Variants in RABGAP1L observed in about 807,000 individuals in gnomAD.
The protein encoded by RABGAP1L is RAB GTPase activating protein 1 like.
In RABGAP1L, 63 loss-of-function variants were observed where a neutral mutation model predicts 137.7. The ratio of observed to expected loss-of-function variants is 0.46; its 90% confidence interval spans 0.37 to 0.56. The LOEUF is 0.56. RABGAP1L is among the 20% of genes least tolerant of loss of function. RABGAP1L has a pLI of 0.00. For missense variants in RABGAP1L, 1,095 were observed against 1,244.0 expected, an observed-to-expected ratio of 0.88 and a Z score of 1.80; for synonymous variants, 431 against 433.7, an observed-to-expected ratio of 0.99 and a Z score of 0.08.
At chr1:174,263,525 A>G (rs938670677) in intron 7 of RABGAP1L, among the ~76,000 whole-genome samples, 1 of 152,148 alleles carries the variant, frequency 6.6e-6, no homozygotes, top group Admixed American at 6.5e-5. Context: ...CAGTCCATAA[A>G]GTTTCTGATA....
chr1:174,579,468 C>A (rs1176279819), intron 13 of RABGAP1L, among the ~76,000 whole-genome samples: 1 of 152,156 alleles, frequency 6.6e-6, no homozygotes, highest in African/African-American at 2.4e-5. Flanking sequence ...TGCATATGCA[C>A]TTGTACGTCC....
At chr1:174,547,690 A>G (rs1274823590) in intron 13 of RABGAP1L, 2 of 668,698 alleles carry the variant, frequency 3.0e-6, no homozygotes, top group Non-Finnish European at 5.0e-6. Flanking sequence ...AATTGAAAGT[A>G]ATTCTGTGTT....
chr1:174,345,918 T>C (rs1280040917), intron 11 of RABGAP1L, among the ~76,000 whole-genome samples: 7 of 152,194 alleles, frequency 4.6e-5, no homozygotes. Flanking sequence ...GATATGTTGC[T>C]TCTGTATCCA....
At position 174,550,983 on chromosome 1, in the gene RABGAP1L, CATATATATATATACACATATATAT is replaced by C. The variant is rs1272061190; in HGVS notation, c.1711-86378_1711-86355del. On this transcript the variant is annotated intron_variant, in intron 13 of 25. Coordinates refer to ENST00000681986, the MANE Select transcript of RABGAP1L (RefSeq NM_001366446.1). Reference sequence around the variant, plus strand: ...ACACATATATATACATGTATATATACATATATATATATACACATATATATATATATATATATATACATACACACA... The same window carrying C: ...ACACATATATATACATGTATATATACATATATATATATATACATACACACA... Among the ~76,000 whole-genome samples the C allele has an allele frequency of 1.1e-3, 92 of 83,424 alleles. 11 individuals are homozygous for C. Among genetic ancestry groups the C allele is most frequent in the African/African-American group, 8.2e-3 (83 of 10,184 alleles). The allele number at this position is 83,424 out of a possible 152,430, so 54.7% of individuals were successfully genotyped here.
intron 1 of RABGAP1L, among the ~76,000 whole-genome samples, chr1:174,189,032 G>A (rs1161135793): frequency 6.6e-6 from 1 of 152,148 alleles, no homozygotes; most frequent in African/African-American, 2.4e-5. Context: ...TTATGATGGA[G>A]TCTTGCTCTG....
rs56225773 is a variant in RABGAP1L at position 174,944,274 on chromosome 1, CAAAAAAAAAA to C, written c.2341-13171_2341-13162del. 7.7e-3 allele frequency among the ~76,000 whole-genome samples: 392 copies of C among 50,876 alleles called. 3 individuals carry two copies. The highest frequency in any genetic ancestry group is 0.028 in the African/African-American group (374 of 13,530). 33.4% of individuals were successfully genotyped at this position (50,876 alleles called of 152,430 possible). A position where few individuals can be genotyped will look rare whatever the true frequency, so the allele number is the denominator to read the frequency against. ...CCTGGGCAACAGAACAAGACTGTCT[CAAAAAAAAAA>C]AAAAAAAAAAAGCAAAGTTGTATGG... On this transcript the variant is annotated intron_variant, in intron 19 of 25. Transcript: ENST00000681986.
chr1:174,250,524 G>A lies in RABGAP1L; in HGVS notation c.767G>A (p.Arg256Lys). 1 of 1,613,558 alleles carries A rather than the reference G, an allele frequency of 6.2e-7. No homozygotes were observed. Among genetic ancestry groups the A allele is most frequent in the Non-Finnish European group, 8.5e-7 (1 of 1,179,658 alleles). The change falls in exon 6 of 26, where the codon AGA (arginine) becomes AAA (lysine). Residue 256 changes from arginine (R) to lysine (K), a missense_variant. Coordinates refer to ENST00000681986, the MANE Select transcript of RABGAP1L (RefSeq NM_001366446.1). ...TGTACAGCATTCAAACGTTCTTCCAGACAAGTGTCTGATGTTAAAGACTCA... is the reference window on the plus strand; with the variant it reads ...TGTACAGCATTCAAACGTTCTTCCAAACAAGTGTCTGATGTTAAAGACTCA... Reference protein sequence around the residue: ...SFCTAFKRSSRQVSDVKDSVI... With the variant: ...SFCTAFKRSSKQVSDVKDSVI...
intron 14 of RABGAP1L, among the ~76,000 whole-genome samples, chr1:174,642,759 C>A (rs1674642643): frequency 9.1e-6 from 1 of 110,036 alleles, no homozygotes; most frequent in African/African-American, 3.9e-5. Flanking sequence ...CCCCTTCTTC[C>A]CCTCTCTCCC....
chr1:174,910,478 C>T (rs1427196739), intron 19 of RABGAP1L, among the ~76,000 whole-genome samples: 1 of 152,120 alleles, frequency 6.6e-6, no homozygotes, highest in Non-Finnish European at 1.5e-5. Context: ...AAAGTTGAAG[C>T]CTTTCCTCCT....
intron 13 of RABGAP1L, among the ~76,000 whole-genome samples, chr1:174,602,630 TTTA>T (rs1184264680): frequency 1.3e-5 from 2 of 152,136 alleles, no homozygotes; most frequent in Non-Finnish European, 2.9e-5. Flanking sequence ...TCCATTGTTT[TTTA>T]TTATTATTTT....
chr1:174,528,493 C>T (rs1664113285), intron 13 of RABGAP1L, among the ~76,000 whole-genome samples: 1 of 142,070 alleles, frequency 7.0e-6, no homozygotes, highest in Non-Finnish European at 1.5e-5. Context: ...CTTGACTGGC[C>T]TTTTTTTTTT....
At chr1:174,601,116 C>T (rs1557886163) in intron 13 of RABGAP1L, among the ~76,000 whole-genome samples, 1 of 152,218 alleles carries the variant, frequency 6.6e-6, no homozygotes, top group South Asian at 2.1e-4. Flanking sequence ...CCCTCTGAAG[C>T]CACAGCCTGA....
intron 13 of RABGAP1L, among the ~76,000 whole-genome samples, chr1:174,514,993 A>G (rs1327906103): frequency 6.6e-6 from 1 of 152,192 alleles, no homozygotes; most frequent in African/African-American, 2.4e-5. Context: ...AAATAACATT[A>G]TTCATCCCAT....
At chr1:174,467,850 A>G (rs1321403654) in intron 13 of RABGAP1L, among the ~76,000 whole-genome samples, 1 of 152,148 alleles carries the variant, frequency 6.6e-6, no homozygotes, top group African/African-American at 2.4e-5. Flanking sequence ...AACTGAAACT[A>G]TATAAAGAGA....
intron 13 of RABGAP1L, among the ~76,000 whole-genome samples, chr1:174,477,910 TG>T (rs1303789376): frequency 6.6e-6 from 1 of 152,296 alleles, no homozygotes; most frequent in East Asian, 1.9e-4. Flanking sequence ...ATATAAAACC[TG>T]CATGGTATAT....
At chr1:174,774,504 G>T (rs1686370862) in intron 18 of RABGAP1L, among the ~76,000 whole-genome samples, 1 of 151,806 alleles carries the variant, frequency 6.6e-6, no homozygotes, top group Non-Finnish European at 1.5e-5. Flanking sequence ...TTGCACTCCA[G>T]CCCTGGGTGA....
chr1:174,671,182 G>A (rs1001888288), intron 14 of RABGAP1L, among the ~76,000 whole-genome samples: 4 of 152,128 alleles, frequency 2.6e-5, no homozygotes, highest in African/African-American at 4.8e-5. Flanking sequence ...AGTTGATTTT[G>A]TATTCTGCAA....
chr1:174,736,739 A>G (rs1682978547), intron 17 of RABGAP1L, among the ~76,000 whole-genome samples: 1 of 152,220 alleles, frequency 6.6e-6, no homozygotes, highest in Admixed American at 6.5e-5. Context: ...AGCATCCTTC[A>G]TGCTTGCATT....
At chr1:174,784,069 G>A (rs145384874) in intron 18 of RABGAP1L, among the ~76,000 whole-genome samples, 28,496 of 134,812 alleles carry the variant, frequency 0.21, 3,298 homozygotes, top group Admixed American at 0.25. Flanking sequence ...ACCCAGGCTG[G>A]AGTGCAGTGG....
Sources: gnomAD v4.1 joint callset for allele counts (sites outside exome capture counted in the v4.1 genomes callset) on GRCh38, gnomAD v4.1.1 for gene constraint, MANE v1.5 for transcripts, NCBI Gene and HGNC (gene_info 2026-07-23, HGNC 2026-07-21) for gene names.